The following RFC1 variants were observed in gnomAD, a reference collection of about 807,000 sequenced individuals.
RFC1 encodes A1 140 kDa subunit.
RFC1 carries 37 observed loss-of-function variants against 137.4 expected under a neutral mutation model. The ratio of observed to expected loss-of-function variants is 0.27; its 90% confidence interval spans 0.21 to 0.35. RFC1 has a LOEUF of 0.35. Ranked by LOEUF, RFC1 falls within the 10% of genes least tolerant of loss-of-function variation. RFC1 has a pLI of 1.00. For missense variants in RFC1, 1,205 were observed against 1,358.5 expected (o/e 0.89, Z 1.78); for synonymous variants, 429 against 455.7 (o/e 0.94, Z 0.75).
intron 1 of RFC1, 103 bp from the exon 2 acceptor site, chr4:39,351,579 G>T: frequency 9.9e-7 from 1 of 1,013,280 alleles, no homozygotes; most frequent in South Asian, 1.8e-5. Flanking sequence ...GGGTTACCCT[G>T]AGTAATTTTT....
chr4:39,295,937 G>A (rs1335028596), intron 21 of RFC1, 178 bp from the exon 22 acceptor site: 1 of 486,484 alleles, frequency 2.1e-6, no homozygotes, highest in African/African-American at 2.0e-5. Context: ...ACTTCTCCCA[G>A]AGAAAACAAC....
chr4:39,316,557 G>C (rs537543410), intron 10 of RFC1, among the ~76,000 whole-genome samples: 11 of 151,880 alleles, frequency 7.2e-5, no homozygotes, highest in Middle Eastern at 3.4e-3. Flanking sequence ...ACTACCTAAG[G>C]GCATCTTAGA....
intron 4 of RFC1, among the ~76,000 whole-genome samples, chr4:39,333,789 T>C (rs1740224054): frequency 6.6e-6 from 1 of 152,176 alleles, no homozygotes; most frequent in African/African-American, 2.4e-5. Context: ...GTCTTCAAGC[T>C]ATAGATTTAA....
chr4:39,333,694 A>T (rs1186108404), intron 4 of RFC1, among the ~76,000 whole-genome samples: 1 of 152,150 alleles, frequency 6.6e-6, no homozygotes, highest in Non-Finnish European at 1.5e-5. Context: ...GGTTCTTGTT[A>T]TGAGCCTCCT....
intron 15 of RFC1, among the ~76,000 whole-genome samples, chr4:39,304,517 C>T (rs1378764773): frequency 6.6e-6 from 1 of 152,172 alleles, no homozygotes; most frequent in East Asian, 1.9e-4. Flanking sequence ...CTGCATTACA[C>T]ATGGTTTTTT....
intron 2 of RFC1, among the ~76,000 whole-genome samples, chr4:39,345,859 C>T (rs1740836106): frequency 6.6e-6 from 1 of 152,096 alleles, no homozygotes; most frequent in Non-Finnish European, 1.5e-5. Flanking sequence ...TGTCATGTAA[C>T]AGGTAGATCA....
At chr4:39,334,547 T>G (rs1336276460) in intron 4 of RFC1, among the ~76,000 whole-genome samples, 2 of 152,156 alleles carry the variant, frequency 1.3e-5, no homozygotes, top group African/African-American at 4.8e-5. Context: ...ACATTCCAAA[T>G]AAAGTTGTAG....
rs1738415690 is a variant in RFC1, at chr4:39,302,562, A to C, written c.2374T>G (p.Leu792Val). 1 of 1,611,920 alleles carries C rather than the reference A, an allele frequency of 6.2e-7. No individual in the cohort carries two copies. Among genetic ancestry groups the C allele is most frequent in the Admixed American group, 1.7e-5 (1 of 59,852 alleles). ...TTCATAGCTGGAGGGGGAATCTTTA[A>C]ACCTTCTTTAAATGCAATAGACATC... ...AMMSIAFKEG[L>V]KIPPPAMNEI... Residue 792 changes from leucine (L) to valine (V), a missense_variant, in exon 18 of 25, where the codon TTA becomes GTA. This residue lies in a region of RFC1 where 962 missense variants were observed against 1,035.3 expected (regional missense o/e 0.93). Transcript: ENST00000349703.
intron 4 of RFC1, among the ~76,000 whole-genome samples, chr4:39,328,784 T>C (rs1739920106): frequency 6.6e-6 from 1 of 152,074 alleles, no homozygotes; most frequent in Non-Finnish European, 1.5e-5. Context: ...AGGCCTGTCA[T>C]TTGGAAAACA....
chr4:39,336,556 C>T (rs1243199767), intron 4 of RFC1, among the ~76,000 whole-genome samples: 2 of 152,232 alleles, frequency 1.3e-5, no homozygotes, highest in East Asian at 1.9e-4. Flanking sequence ...TGATAAGAGG[C>T]AGGGTTTCTA....
Position 39,325,014 on chromosome 4 carries a change from T to C in RFC1, c.642+1549A>G, listed in dbSNP as rs538270519. 4.6e-5 allele frequency among the ~76,000 whole-genome samples: 7 copies of C among 152,342 alleles called. No homozygotes were observed. In the East Asian group the frequency reaches 1.2e-3, roughly 25 times the overall value. On this transcript the variant is annotated intron_variant, in intron 6 of 24. Coordinates refer to ENST00000349703, the MANE Select transcript of RFC1 (RefSeq NM_002913.5). ...ACCTCTCCTGATGTTCCTACTTCAC[T>C]AGCCACTCTCTCCTCTCCTTTGCTG...
intron 21 of RFC1, among the ~76,000 whole-genome samples, chr4:39,298,953 C>T (rs907839254): frequency 3.9e-5 from 6 of 152,180 alleles, no homozygotes; most frequent in African/African-American, 1.4e-4. Context: ...ACAGGCCCCC[C>T]AAAATCTGGC....
chr4:39,357,888 T>C (rs1741561185), intron 1 of RFC1, among the ~76,000 whole-genome samples: 1 of 152,038 alleles, frequency 6.6e-6, no homozygotes. Flanking sequence ...ATTACAGGCA[T>C]GAGCCACAGC....
intron 4 of RFC1, among the ~76,000 whole-genome samples, chr4:39,332,873 T>C (rs1740169498): frequency 1.3e-5 from 2 of 152,320 alleles, no homozygotes. Flanking sequence ...ATCCCAGCAC[T>C]TTGGGAGGCC....
rs147804632 is a variant in RFC1 at position 39,302,768 on chromosome 4, C to T, written c.2309G>A (p.Arg770His). ...RSLVHYCFDLRFQRPRVEQIK... is the reference protein window; with the variant it reads ...RSLVHYCFDLHFQRPRVEQIK... The stretch of plus-strand genomic sequence containing the variant: ...CTGTTCAACCCGAGGTCTTTGAAAA[C>T]GAAGATCAAAACAATAATGAACCAG... Residue 770 changes from arginine (R) to histidine (H), a missense_variant, in exon 17 of 25, where the codon CGT (arginine) becomes CAT (histidine). This residue lies in a region of RFC1 where 962 missense variants were observed against 1,035.3 expected (regional missense o/e 0.93). Transcript: ENST00000349703. The T allele has an allele frequency of 1.3e-5, 20 of 1,597,100 alleles. No individual in the cohort carries two copies. The highest frequency in any genetic ancestry group is 3.5e-5 in the South Asian group (3 of 86,540).
In RFC1 at chr4:39,303,319, T is replaced by C. The variant is rs1430336741; in HGVS notation, c.2111-168A>G. On this transcript the variant is annotated intron_variant, in intron 15 of 24. Transcript: ENST00000349703. Reference sequence around the variant, plus strand: ...TAAAGAAAAAAAAAAAAAAAGAATATGCAGAGAAGAGAAACTCTCCCTGCC... The same window carrying C: ...TAAAGAAAAAAAAAAAAAAAGAATACGCAGAGAAGAGAAACTCTCCCTGCC... 4 of 591,342 alleles carry C rather than the reference T, an allele frequency of 6.8e-6. No homozygotes were observed. The African/African-American group carries it at 7.5e-5, about 11-fold the overall frequency. The allele number at this position is 591,342 out of a possible 1,614,324, so 36.6% of individuals were successfully genotyped here.
At chr4:39,317,497 G>A (rs939113815) in intron 9 of RFC1, among the ~76,000 whole-genome samples, 1 of 152,112 alleles carries the variant, frequency 6.6e-6, no homozygotes, top group Admixed American at 6.5e-5. Context: ...AAGCATTCCA[G>A]TAGGAGAATC....
chr4:39,360,743 A>G (rs1212569714), intron 1 of RFC1, among the ~76,000 whole-genome samples: 1 of 152,126 alleles, frequency 6.6e-6, no homozygotes, highest in African/African-American at 2.4e-5. Context: ...TCAGAAAAAA[A>G]AAGGAGAAAG....
At chr4:39,289,717 C>A in intron 24 of RFC1, 131 bp downstream of exon 24, 2 of 665,986 alleles carry the variant, frequency 3.0e-6, no homozygotes, top group Non-Finnish European at 2.6e-6. Context: ...CCACCCTCAA[C>A]CATGATGAAC....
Sources: allele counts gnomAD v4.1 joint callset (sites outside exome capture counted in the v4.1 genomes callset), GRCh38; gene constraint gnomAD v4.1.1; regional missense constraint gnomAD v4.1.1; transcripts MANE v1.5; gene names NCBI Gene and HGNC (gene_info 2026-07-23, HGNC 2026-07-21).